The following SLMAP variants were observed in gnomAD, a reference collection of about 807,000 sequenced individuals.
The protein encoded by SLMAP is sarcolemmal membrane-associated protein.
In SLMAP, 44 loss-of-function variants were observed where a neutral mutation model predicts 128.8. That is an observed-to-expected ratio of 0.34 (90% CI 0.27 to 0.44). The LOEUF (loss-of-function observed/expected upper bound fraction) is 0.44. Ranked by LOEUF, SLMAP falls within the 20% of genes least tolerant of loss-of-function variation. The pLI is 1.00. For missense variants in SLMAP, 787 were observed against 985.3 expected (o/e 0.80, Z 2.69); for synonymous variants, 327 against 348.8 (o/e 0.94, Z 0.70).
intron 7 of SLMAP, 60 bp from the exon 8 acceptor site, chr3:57,858,028 T>A (rs1245865153): frequency 8.8e-7 from 1 of 1,134,010 alleles, no homozygotes; most frequent in Non-Finnish European, 1.3e-6. Context: ...AACCTTTTTT[T>A]ATATACATGT....
intron 17 of SLMAP, among the ~76,000 whole-genome samples, chr3:57,903,469 A>G (rs974813227): frequency 3.9e-5 from 6 of 152,222 alleles, no homozygotes; most frequent in Non-Finnish European, 8.8e-5. Flanking sequence ...AGAACTTGGG[A>G]AAAAAATCTT....
intron 6 of SLMAP, among the ~76,000 whole-genome samples, chr3:57,854,351 A>G (rs934030984): frequency 6.6e-6 from 1 of 151,742 alleles, no homozygotes; most frequent in Non-Finnish European, 1.5e-5. Flanking sequence ...TAATCCCAAC[A>G]CTTTGGGAGG....
intron 14 of SLMAP, among the ~76,000 whole-genome samples, chr3:57,888,918 A>T (rs2095984584): frequency 6.7e-6 from 1 of 150,274 alleles, no homozygotes; most frequent in South Asian, 2.1e-4. Flanking sequence ...TTTTTTTGAG[A>T]TGGAATCTCG....
intron 22 of SLMAP, chr3:57,918,232 G>GTAGGCCTAAAAGCA: frequency 6.6e-6 from 1 of 152,204 alleles, no homozygotes; most frequent in Non-Finnish European, 1.5e-5. Context: ...TAAGCACTTT[G>GTAGGCCTAAAAGCA]TGTCCTTCCA....
chr3:57,906,157 GAGA>G (rs961799140), intron 17 of SLMAP, among the ~76,000 whole-genome samples: 1 of 151,244 alleles, frequency 6.6e-6, no homozygotes, highest in African/African-American at 2.4e-5. Flanking sequence ...AGAGCTGTGA[GAGA>G]AGTTTTGTAG....
chr3:57,902,716 G>A (rs1295611828), intron 17 of SLMAP, among the ~76,000 whole-genome samples: 1 of 152,164 alleles, frequency 6.6e-6, no homozygotes, highest in Admixed American at 6.5e-5. Context: ...ATTTGACCCT[G>A]AGTGACTGAA....
intron 17 of SLMAP, among the ~76,000 whole-genome samples, chr3:57,902,757 G>A (rs916760854): frequency 6.6e-6 from 1 of 152,188 alleles, no homozygotes; most frequent in Non-Finnish European, 1.5e-5. Context: ...TGGAAGAAAA[G>A]GTGTCCTGGT....
intron 22 of SLMAP, 184 bp downstream of exon 22, chr3:57,917,261 C>T: frequency 1.4e-6 from 2 of 1,432,640 alleles, no homozygotes; most frequent in South Asian, 1.5e-5. Flanking sequence ...GTAGAGAATT[C>T]TTCAGTAGGG....
chr3:57,908,762 T>A (rs1017870749), intron 18 of SLMAP, among the ~76,000 whole-genome samples: 1 of 152,228 alleles, frequency 6.6e-6, no homozygotes, highest in African/African-American at 2.4e-5. Flanking sequence ...TAAGTCTTTT[T>A]AAAAAATTAA....
At chr3:57,795,460 G>C (rs904464651) in intron 2 of SLMAP, among the ~76,000 whole-genome samples, 1 of 152,128 alleles carries the variant, frequency 6.6e-6, no homozygotes, top group African/African-American at 2.4e-5. Context: ...AATTGCTTGA[G>C]CCTGGCAGGC....
At chr3:57,911,258 GC>G (rs2096688142) in intron 19 of SLMAP, among the ~76,000 whole-genome samples, 1 of 151,992 alleles carries the variant, frequency 6.6e-6, no homozygotes, top group Non-Finnish European at 1.5e-5. Context: ...TGGCCATTGT[GC>G]CCTTTCAGAT....
Position 57,907,871 on chromosome 3 carries a change from A to G in SLMAP, c.1502-13A>G, listed in dbSNP as rs746651571. On this transcript the variant is annotated splice_polypyrimidine_tract_variant and intron_variant, in intron 17 of 24. Coordinates refer to ENST00000671191, the MANE Select transcript of SLMAP (RefSeq NM_001377540.1). ...ACTAACTCTTGCTTTTAAAATAAAC[A>G]TGTTTTTGTCAGATGACTTGCAGGG... is the stretch of plus-strand genomic sequence containing the variant. The G allele has an allele frequency of 5.2e-5, 83 of 1,611,474 alleles. No individual in the cohort carries two copies. The Middle Eastern group carries it at 6.6e-4, about 13-fold the overall frequency.
intron 2 of SLMAP, among the ~76,000 whole-genome samples, chr3:57,777,188 A>T (rs1319481984): frequency 6.6e-6 from 1 of 152,056 alleles, no homozygotes; most frequent in Non-Finnish European, 1.5e-5. Context: ...AGCAGGGCAC[A>T]TGTATACATA....
rs537039809 is a variant in SLMAP at position 57,904,722 on chromosome 3, TTGGCAATATC to T, written c.1502-3158_1502-3149del. Among the ~76,000 whole-genome samples, 17 of 152,132 alleles carry T rather than the reference TTGGCAATATC, an allele frequency of 1.1e-4. No individual in the cohort carries two copies. In the South Asian group the frequency reaches 2.1e-3, roughly 19 times the overall value. ...TTCGAGTTTATCTCCCAGGGGACAT[TTGGCAATATC>T]TGGAGACATTTTAGTTGTTGTAAAC... On this transcript the variant is annotated intron_variant, in intron 17 of 24. Coordinates refer to ENST00000671191, the MANE Select transcript of SLMAP (RefSeq NM_001377540.1).
chr3:57,859,998 T>C (rs936230620), intron 8 of SLMAP, among the ~76,000 whole-genome samples: 2 of 152,226 alleles, frequency 1.3e-5, no homozygotes, highest in African/African-American at 4.8e-5. Context: ...TGAAGTGTTT[T>C]CTCACTCCAC....
At chr3:57,924,967 T>C (rs959788390) in intron 23 of SLMAP, among the ~76,000 whole-genome samples, 1 of 151,532 alleles carries the variant, frequency 6.6e-6, no homozygotes, top group African/African-American at 2.4e-5. Flanking sequence ...GTTTTTTTTT[T>C]TTTTGGTGAC....
At chr3:57,771,780 T>C (rs2080949662) in intron 2 of SLMAP, among the ~76,000 whole-genome samples, 1 of 152,206 alleles carries the variant, frequency 6.6e-6, no homozygotes, top group African/African-American at 2.4e-5. Flanking sequence ...AAATTCTTTT[T>C]TGAATGCGTG....
At chr3:57,884,335 G>T (rs1053505165) in intron 14 of SLMAP, among the ~76,000 whole-genome samples, 12 of 152,030 alleles carry the variant, frequency 7.9e-5, no homozygotes, top group African/African-American at 2.9e-4. Context: ...TGTAGACTGG[G>T]GTATTTCAGA....
chr3:57,862,112 A>G (rs938426804), intron 10 of SLMAP, 26 bp downstream of exon 10: 2 of 1,527,048 alleles, frequency 1.3e-6, no homozygotes, highest in Non-Finnish European at 9.0e-7. Context: ...GCCTGAAAGT[A>G]TGTTAAGCTA....
Sources: allele counts gnomAD v4.1 joint callset (sites outside exome capture counted in the v4.1 genomes callset), GRCh38; gene constraint gnomAD v4.1.1; transcripts MANE v1.5; gene names NCBI Gene and HGNC (gene_info 2026-07-23, HGNC 2026-07-21).